Variants in HYCC1 observed in about 807,000 individuals in gnomAD.
HYCC1 encodes hyccin PI4KA lipid kinase complex subunit 1.
chr7:22,976,015 C>G, the HYCC1 span, among the ~76,000 whole-genome samples: 2 of 152,122 alleles, frequency 1.3e-5, no homozygotes, highest in Non-Finnish European at 2.9e-5. Context: ...CTATCGCATC[C>G]GGCCCTTTAT....
chr7:22,927,742 A>G, the HYCC1 span, among the ~76,000 whole-genome samples: 23 of 152,348 alleles, frequency 1.5e-4, no homozygotes, highest in Admixed American at 1.1e-3. Flanking sequence ...TCACAGCTGA[A>G]TTCTACCAGA....
At chr7:22,898,604 C>CTTT in the HYCC1 span, among the ~76,000 whole-genome samples, 1 of 39,796 alleles carries the variant, frequency 2.5e-5, no homozygotes, top group African/African-American at 8.1e-5. Context: ...CTTTTCTTTT[C>CTTT]TTTTTTTTTT....
chr7:22,918,245 C>T, the HYCC1 span, among the ~76,000 whole-genome samples: 1 of 152,148 alleles, frequency 6.6e-6, no homozygotes, highest in Admixed American at 6.5e-5. Context: ...TTTTCTCCTT[C>T]TTTTATTTGG....
chr7:23,011,993 T>G, the HYCC1 span, among the ~76,000 whole-genome samples: 1 of 152,210 alleles, frequency 6.6e-6, no homozygotes, highest in East Asian at 1.9e-4. Context: ...TAATTGTTAA[T>G]TTACTGTAAT....
chr7:22,953,714 T>C, the HYCC1 span, among the ~76,000 whole-genome samples: 59,875 of 151,476 alleles, frequency 0.4, 11,808 homozygotes, highest in East Asian at 0.5. Flanking sequence ...AAGTTCCACA[T>C]TGAAAATGCC....
At chr7:22,928,056 A>G in the HYCC1 span, among the ~76,000 whole-genome samples, 3 of 152,238 alleles carry the variant, frequency 2.0e-5, no homozygotes, top group Admixed American at 2.0e-4. Context: ...AACGTAATCC[A>G]GCATATAAAC....
chr7:22,926,937 A>T, the HYCC1 span, among the ~76,000 whole-genome samples: 6 of 152,066 alleles, frequency 3.9e-5, no homozygotes, highest in Non-Finnish European at 8.8e-5. Context: ...TTGGAAGTAA[A>T]GCACTCCTCA....
chr7:23,014,013 T>A, the HYCC1 span: 1 of 470,906 alleles, frequency 2.1e-6, no homozygotes, highest in South Asian at 1.5e-5. Flanking sequence ...TCCTCCCGAG[T>A]AGCAGCACCA....
the HYCC1 span, among the ~76,000 whole-genome samples, chr7:22,905,824 A>C: frequency 6.6e-6 from 1 of 152,192 alleles, no homozygotes; most frequent in Non-Finnish European, 1.5e-5. Flanking sequence ...ACAATTTATA[A>C]TTTTGCAATC....
the HYCC1 span, chr7:22,977,282 A>C: frequency 9.4e-7 from 1 of 1,060,384 alleles, no homozygotes; most frequent in South Asian, 1.3e-5. Flanking sequence ...CTAGATTATA[A>C]CTTGTGGCAA....
chr7:22,942,548 G>A, the HYCC1 span: 1 of 152,122 alleles, frequency 6.6e-6, no homozygotes, highest in African/African-American at 2.4e-5. Flanking sequence ...CAGGCCGTTG[G>A]GTTTTCAAAT....
chr7:22,913,728 C>A, the HYCC1 span, among the ~76,000 whole-genome samples: 2 of 152,212 alleles, frequency 1.3e-5, no homozygotes, highest in South Asian at 4.1e-4. Context: ...CTTTTGCTGA[C>A]TCTCTTTTCA....
the HYCC1 span, among the ~76,000 whole-genome samples, chr7:22,917,891 T>C: frequency 6.6e-6 from 1 of 152,190 alleles, no homozygotes; most frequent in Non-Finnish European, 1.5e-5. Flanking sequence ...GTTCCCATTC[T>C]TATGCCATCC....
the HYCC1 span, among the ~76,000 whole-genome samples, chr7:22,912,117 G>T: frequency 6.6e-6 from 1 of 152,224 alleles, no homozygotes; most frequent in Non-Finnish European, 1.5e-5. Context: ...TACAAGCATA[G>T]CTGATAAAAA....
the HYCC1 span, among the ~76,000 whole-genome samples, chr7:22,978,734 G>A: frequency 6.6e-6 from 1 of 152,136 alleles, no homozygotes; most frequent in Non-Finnish European, 1.5e-5. Context: ...CATCTGACAG[G>A]AATGATTGGT....
At chr7:22,977,452 A>G in the HYCC1 span, 43 of 1,249,176 alleles carry the variant, frequency 3.4e-5, no homozygotes, top group Non-Finnish European at 4.7e-5. Context: ...ATATTAAAAT[A>G]CATACTTTCT....
the HYCC1 span, among the ~76,000 whole-genome samples, chr7:22,970,356 T>C: frequency 6.6e-6 from 1 of 152,230 alleles, no homozygotes; most frequent in African/African-American, 2.4e-5. Flanking sequence ...AAATCATAAA[T>C]CTGAGTTGAA....
At chr7:22,977,247 A>G in the HYCC1 span, 4 of 806,768 alleles carry the variant, frequency 5.0e-6, no homozygotes, top group Non-Finnish European at 8.8e-6. Context: ...GTACTAATAA[A>G]TTGATCAATT....
At chr7:22,928,222 C>T in the HYCC1 span, among the ~76,000 whole-genome samples, 1 of 152,198 alleles carries the variant, frequency 6.6e-6, no homozygotes, top group East Asian at 1.9e-4. Context: ...AACCCACAGC[C>T]AATATCATAC....
Sources: allele counts gnomAD v4.1 joint callset (sites outside exome capture counted in the v4.1 genomes callset), GRCh38; gene constraint gnomAD v4.1.1; transcripts MANE v1.5; gene names NCBI Gene and HGNC (gene_info 2026-07-23, HGNC 2026-07-21).